The following ACER3 variants were observed in gnomAD, a reference collection of about 807,000 sequenced individuals.
The protein encoded by ACER3 is alkaline ceramidase 3.
Under a neutral mutation model 48.9 loss-of-function variants are expected in ACER3, and 16 were observed. The ratio of observed to expected loss-of-function variants is 0.33; its 90% CI spans 0.22 to 0.50. The LOEUF (loss-of-function observed/expected upper bound fraction) is 0.50, where lower values mean the gene tolerates loss of function less well. ACER3 is among the 20% of genes least tolerant of loss of function. The pLI is 0.98. For synonymous variants in ACER3, 109 were observed against 107.8 expected (o/e 1.01, Z -0.07); for missense variants, 227 against 326.0 (o/e 0.70, Z 2.34).
chr11:76,999,068 C>T (rs1269544801), intron 7 of ACER3, among the ~76,000 whole-genome samples: 4 of 151,996 alleles, frequency 2.6e-5, no homozygotes, highest in African/African-American at 9.7e-5. Context: ...GAGCTGTCGA[C>T]GATGGCCTTG....
chr11:76,967,662 A>G (rs1234816288), intron 3 of ACER3, among the ~76,000 whole-genome samples: 1 of 152,258 alleles, frequency 6.6e-6, no homozygotes, highest in Non-Finnish European at 1.5e-5. Flanking sequence ...AACGTAATCC[A>G]GCATATAAAC....
chr11:77,004,213 C>T lies in ACER3; in HGVS notation c.497+5392C>T, dbSNP rs1750076424. 2.6e-5 allele frequency among the ~76,000 whole-genome samples: 4 copies of T among 152,134 alleles called. No individual in the cohort carries two copies. The South Asian group carries it at 8.3e-4, about 31-fold the overall frequency. On this transcript the variant is annotated intron_variant, in intron 7 of 10. Coordinates refer to ENST00000532485, the MANE Select transcript of ACER3 (RefSeq NM_018367.7). ...TAAAGGTCAAACTGATACAGCATGGCCCAAGACCCCAGGCAAATAAAAATA... is the reference window on the plus strand; with the variant it reads ...TAAAGGTCAAACTGATACAGCATGGTCCAAGACCCCAGGCAAATAAAAATA...
intron 2 of ACER3, among the ~76,000 whole-genome samples, chr11:76,952,262 C>CT (rs1158955501): frequency 0.1 from 14,140 of 139,112 alleles, 970 homozygotes; most frequent in East Asian, 0.35. Context: ...TTCTTTCTTT[C>CT]TTTTTTTTTT....
intron 1 of ACER3, among the ~76,000 whole-genome samples, chr11:76,887,193 G>A (rs1305818451): frequency 6.6e-6 from 1 of 152,154 alleles, no homozygotes; most frequent in Non-Finnish European, 1.5e-5. Flanking sequence ...GGTTGAGGCT[G>A]CAGTGAGCCA....
At chr11:76,882,928 T>A (rs982442010) in intron 1 of ACER3, among the ~76,000 whole-genome samples, 4 of 152,228 alleles carry the variant, frequency 2.6e-5, no homozygotes, top group African/African-American at 9.6e-5. Flanking sequence ...CAGACAGAAT[T>A]TAGGGATCCC....
chr11:77,016,140 C>T (rs1469234681), intron 8 of ACER3, among the ~76,000 whole-genome samples: 1 of 149,450 alleles, frequency 6.7e-6, no homozygotes, highest in African/African-American at 2.5e-5. Flanking sequence ...TTTGCAGAGG[C>T]AGGAAAAAAG....
At chr11:77,007,114 GA>G (rs34934546) in intron 7 of ACER3, among the ~76,000 whole-genome samples, 48 of 141,962 alleles carry the variant, frequency 3.4e-4, no homozygotes, top group African/African-American at 8.5e-4. Flanking sequence ...CCTGTCTCTT[GA>G]AAAAAAAAAA....
intron 1 of ACER3, among the ~76,000 whole-genome samples, chr11:76,923,309 T>G (rs1313893343): frequency 6.6e-6 from 1 of 152,186 alleles, no homozygotes. Flanking sequence ...TTTTATTTTA[T>G]TCCTTTGTAA....
intron 1 of ACER3, among the ~76,000 whole-genome samples, chr11:76,916,945 C>T (rs1946547383): frequency 6.6e-6 from 1 of 152,182 alleles, no homozygotes; most frequent in Non-Finnish European, 1.5e-5. Flanking sequence ...TTCCCCTCCC[C>T]TGTAACCTCC....
At chr11:76,985,808 T>C (rs1301747261) in intron 5 of ACER3, 84 bp downstream of exon 5, 2 of 744,070 alleles carry the variant, frequency 2.7e-6, no homozygotes, top group Non-Finnish European at 4.1e-6. Context: ...CAGTATTTGC[T>C]TCATGCTGTC....
rs186940674 is a variant in ACER3 at position 76,902,924 on chromosome 11, C to T, written c.104-23633C>T. Among the ~76,000 whole-genome samples the T allele has an allele frequency of 2.0e-5, 3 of 152,270 alleles. 1 individual carries two copies. Among genetic ancestry groups the T allele is most frequent in the African/African-American group, 7.2e-5 (3 of 41,558 alleles). On this transcript the variant is annotated intron_variant, in intron 1 of 10. Coordinates refer to ENST00000532485, the MANE Select transcript of ACER3 (RefSeq NM_018367.7). ...GTTATCATTTAATACTACATCTTTA[C>T]ATTTCTATTTTTCTTGACTATGAAT...
intron 1 of ACER3, among the ~76,000 whole-genome samples, chr11:76,882,002 T>A (rs1217929937): frequency 8.0e-6 from 1 of 125,184 alleles, no homozygotes; most frequent in African/African-American, 2.7e-5. Context: ...TTGTAAAAAA[T>A]CTTTTTTTTT....
At chr11:76,985,437 T>C (rs1404429061) in intron 4 of ACER3, among the ~76,000 whole-genome samples, 2 of 152,192 alleles carry the variant, frequency 1.3e-5, no homozygotes, top group African/African-American at 4.8e-5. Context: ...CAAGAGCCTT[T>C]CATTGTCCCA....
chr11:76,956,733 ATAACT>A (rs1180530516), intron 2 of ACER3, among the ~76,000 whole-genome samples: 1 of 148,260 alleles, frequency 6.7e-6, no homozygotes, highest in African/African-American at 2.5e-5. Flanking sequence ...GTGACTTTAA[ATAACT>A]TAAAGGTTTT....
In ACER3 at chr11:76,995,604, A is replaced by T. The variant is rs563990695; in HGVS notation, c.439-3159A>T. ...GGAGCAGAAAAGTATACATTCTGTCATCTTTTTATTAAAAAAAAAAACCTC... is the reference window on the plus strand; with the variant it reads ...GGAGCAGAAAAGTATACATTCTGTCTTCTTTTTATTAAAAAAAAAAACCTC... On this transcript the variant is annotated intron_variant, in intron 6 of 10. Coordinates refer to ENST00000532485, the MANE Select transcript of ACER3 (RefSeq NM_018367.7). Among the ~76,000 whole-genome samples, 221 of 152,222 alleles carry T rather than the reference A, an allele frequency of 1.5e-3. 1 individual carries two copies. The highest frequency in any genetic ancestry group is 5.2e-3 in the African/African-American group (217 of 41,558).
At chr11:76,933,864 G>A (rs372471104) in intron 2 of ACER3, among the ~76,000 whole-genome samples, 3,703 of 148,954 alleles carry the variant, frequency 0.025, 98 homozygotes, top group African/African-American at 0.082. Context: ...GGCGGCTGCC[G>A]GGCGGAGGGG....
At chr11:76,887,821 T>C (rs527895829) in intron 1 of ACER3, among the ~76,000 whole-genome samples, 1 of 147,562 alleles carries the variant, frequency 6.8e-6, no homozygotes, top group East Asian at 2.0e-4. Flanking sequence ...CTTTTTTTTT[T>C]TTTTTTTTTT....
intron 8 of ACER3, chr11:77,015,333 G>A (rs1329738074): frequency 1.7e-5 from 7 of 400,580 alleles, no homozygotes; most frequent in Non-Finnish European, 3.1e-5. Flanking sequence ...CCTCTGTAGG[G>A]TTTGGGTTTT....
At chr11:76,945,060 CTT>C (rs1252915074) in intron 2 of ACER3, among the ~76,000 whole-genome samples, 1 of 150,112 alleles carries the variant, frequency 6.7e-6, no homozygotes, top group East Asian at 2.0e-4. Flanking sequence ...CAGAATTTCT[CTT>C]TGGTTTTTGT....
Sources: allele counts gnomAD v4.1 joint callset (sites outside exome capture counted in the v4.1 genomes callset), GRCh38; gene constraint gnomAD v4.1.1; transcripts MANE v1.5; gene names NCBI Gene and HGNC (gene_info 2026-07-23, HGNC 2026-07-21).